The following FNDC3A variants were observed in gnomAD, a reference collection of about 807,000 sequenced individuals.
FNDC3A encodes the protein fibronectin type-III domain-containing protein 3A.
A neutral mutation model predicts 148.9 loss-of-function variants in FNDC3A; 32 were observed. The observed-to-expected ratio is 0.21, with a 90% CI of 0.16 to 0.29. FNDC3A has a LOEUF of 0.29. FNDC3A is among the 10% of genes least tolerant of loss of function. The probability of loss-of-function intolerance (pLI) is 1.00; values close to 1 mark genes in which losing one functional copy is unlikely to be tolerated. For synonymous variants in FNDC3A, 472 were observed against 473.6 expected (o/e 1.00, Z 0.04); for missense variants, 1,191 against 1,452.8 (o/e 0.82, Z 2.93).
At chr13:49,201,655 A>G (rs1245663720) in intron 23 of FNDC3A, 145 bp from the exon 24 acceptor site, 4 of 406,330 alleles carry the variant, frequency 9.8e-6, no homozygotes, top group South Asian at 1.3e-4. Context: ...TTTAAGTGAC[A>G]TAGAGTTCCT....
intron 2 of FNDC3A, among the ~76,000 whole-genome samples, chr13:49,071,997 T>C (rs1877727375): frequency 6.6e-6 from 1 of 152,186 alleles, no homozygotes; most frequent in South Asian, 2.1e-4. Context: ...TTGTTTCCTT[T>C]GCTGTGCAAA....
rs375983263 is a variant in FNDC3A, at chr13:49,060,023, T to C, written c.100-15266T>C. 1.4e-4 allele frequency among the ~76,000 whole-genome samples: 21 copies of C among 152,350 alleles called. No homozygotes were observed. In the South Asian group the frequency reaches 3.9e-3, roughly 29 times the overall value. On this transcript the variant is annotated intron_variant, in intron 2 of 25. Transcript: ENST00000492622. ...AAATGGAATAACAAACTGGCAAGAA[T>C]GTAGAATAAGTGGAATCCTTATACA...
chr13:49,202,204 G>T (rs736222), intron 24 of FNDC3A, among the ~76,000 whole-genome samples: 20,121 of 152,042 alleles, frequency 0.13, 1,731 homozygotes, highest in East Asian at 0.34. Context: ...TTTTAATAAT[G>T]TAGCATAAAA....
intron 14 of FNDC3A, among the ~76,000 whole-genome samples, chr13:49,183,937 A>G (rs1885434116): frequency 1.3e-5 from 2 of 152,346 alleles, no homozygotes; most frequent in South Asian, 4.1e-4. Context: ...GCATTGTTCT[A>G]AACACTAAGA....
intron 2 of FNDC3A, among the ~76,000 whole-genome samples, chr13:49,034,467 T>C (rs1212735038): frequency 6.6e-6 from 1 of 152,046 alleles, no homozygotes; most frequent in African/African-American, 2.4e-5. Context: ...CATATAACTT[T>C]CATCACAAAA....
intron 2 of FNDC3A, among the ~76,000 whole-genome samples, chr13:49,013,399 TAA>T (rs1952400290): frequency 1.3e-5 from 2 of 152,186 alleles, no homozygotes; most frequent in South Asian, 2.1e-4. Context: ...TATTATACTT[TAA>T]GTTTTAGGGT....
At chr13:49,143,738 A>C (rs1455504449) in intron 7 of FNDC3A, among the ~76,000 whole-genome samples, 1 of 152,164 alleles carries the variant, frequency 6.6e-6, no homozygotes, top group Non-Finnish European at 1.5e-5. Context: ...GAACCCTAAG[A>C]GGGTGAGACT....
chr13:49,086,330 C>T (rs1878813207), intron 3 of FNDC3A, among the ~76,000 whole-genome samples: 1 of 152,036 alleles, frequency 6.6e-6, no homozygotes, highest in African/African-American at 2.4e-5. Context: ...AATTTATAGC[C>T]GTAGGTAATT....
chr13:49,115,192 G>C (rs1437939738), intron 4 of FNDC3A, among the ~76,000 whole-genome samples: 9 of 119,328 alleles, frequency 7.5e-5, no homozygotes, highest in Non-Finnish European at 1.0e-4. Flanking sequence ...GAGGGGGGGG[G>C]GGAAATAAAA....
chr13:49,023,024 C>G (rs545078713), intron 2 of FNDC3A, among the ~76,000 whole-genome samples: 1 of 152,142 alleles, frequency 6.6e-6, no homozygotes, highest in East Asian at 1.9e-4. Context: ...AAAAAATTAA[C>G]TTCACACATA....
At chr13:49,045,905 GT>G (rs1875366070) in intron 2 of FNDC3A, 1 of 226,850 alleles carries the variant, frequency 4.4e-6, no homozygotes, top group African/African-American at 2.3e-5. Flanking sequence ...TTCTAGAGAA[GT>G]TTTTATCAGG....
In FNDC3A at chr13:49,162,633, G is replaced by A. The variant is rs142553927; in HGVS notation, c.978-4611G>A. Among the ~76,000 whole-genome samples, 347 of 152,212 alleles carry A rather than the reference G, an allele frequency of 2.3e-3. 9 individuals carry two copies. The South Asian group carries it at 0.052, about 23-fold the overall frequency. ...TGTCAACTCGTCAAAGTCATTCTCC[G>A]TCCTGTTTTGTTCCCGTTGCTGGCA... is the stretch of plus-strand genomic sequence containing the variant. On this transcript the variant is annotated intron_variant, in intron 8 of 25. Coordinates refer to ENST00000492622, the MANE Select transcript of FNDC3A (RefSeq NM_001079673.2).
chr13:49,186,745 G>A lies in FNDC3A; in HGVS notation c.1757-377G>A, dbSNP rs1670115235. On this transcript the variant is annotated intron_variant, in intron 15 of 25. Transcript: ENST00000492622. Reference sequence around the variant, plus strand: ...TAGCTGGGCATGGTGGCACATGCCTGTAGTCCCAGCTACTCAGGAGGCTGA... The same window carrying A: ...TAGCTGGGCATGGTGGCACATGCCTATAGTCCCAGCTACTCAGGAGGCTGA... Among the ~76,000 whole-genome samples the A allele has an allele frequency of 2.6e-5, 4 of 152,180 alleles. No individual in the cohort carries two copies. In the South Asian group the frequency reaches 8.3e-4, roughly 31 times the overall value.
intron 3 of FNDC3A, among the ~76,000 whole-genome samples, chr13:49,100,201 T>C (rs1879777954): frequency 6.6e-6 from 1 of 152,108 alleles, no homozygotes; most frequent in Non-Finnish European, 1.5e-5. Context: ...AATAAAGCAT[T>C]TTATTTTTCG....
At chr13:49,189,635 T>C (rs1453859438) in intron 17 of FNDC3A, among the ~76,000 whole-genome samples, 1 of 152,160 alleles carries the variant, frequency 6.6e-6, no homozygotes. Flanking sequence ...GAAACTAATG[T>C]GCAACTGAGT....
intron 2 of FNDC3A, among the ~76,000 whole-genome samples, chr13:49,041,381 A>G (rs77370859): frequency 0.034 from 5,226 of 152,080 alleles, 280 homozygotes; most frequent in African/African-American, 0.11. Flanking sequence ...TTTGTTTACT[A>G]CTCTATCCCA....
intron 14 of FNDC3A, among the ~76,000 whole-genome samples, chr13:49,181,687 A>T (rs1475899560): frequency 6.6e-6 from 1 of 152,224 alleles, no homozygotes; most frequent in Non-Finnish European, 1.5e-5. Flanking sequence ...AGATTCTTTC[A>T]AACAGTCGTA....
intron 2 of FNDC3A, among the ~76,000 whole-genome samples, chr13:49,007,729 G>A (rs1161507443): frequency 6.6e-6 from 1 of 150,462 alleles, no homozygotes; most frequent in African/African-American, 2.5e-5. Flanking sequence ...TGGTGTAGAT[G>A]GCTATAGAGA....
chr13:49,115,076 C>G (rs76291838), intron 4 of FNDC3A, among the ~76,000 whole-genome samples: 1,817 of 151,748 alleles, frequency 0.012, 19 homozygotes, highest in Non-Finnish European at 0.019. Context: ...TAGATGTAAC[C>G]CAAGACAATG....
Sources: gnomAD v4.1 joint callset for allele counts (sites outside exome capture counted in the v4.1 genomes callset) on GRCh38, gnomAD v4.1.1 for gene constraint, MANE v1.5 for transcripts, NCBI Gene and HGNC (gene_info 2026-07-23, HGNC 2026-07-21) for gene names.